ARID5B: variants seen among roughly 807,000 people sequenced by gnomAD.
ARID5B encodes AT-rich interactive domain-containing protein 5B.
A neutral mutation model predicts 97.2 loss-of-function variants in ARID5B; 13 were observed. The observed-to-expected ratio is 0.13, with a 90% CI of 0.09 to 0.21. The LOEUF is 0.21. ARID5B is among the 10% of genes least tolerant of loss of function. The pLI is 1.00. For missense variants in ARID5B, 1,210 were observed against 1,465.3 expected, an observed-to-expected ratio of 0.83 and a Z score of 2.84; for synonymous variants, 556 against 570.3, an observed-to-expected ratio of 0.97 and a Z score of 0.36.
At chr10:62,057,041 C>A (rs1839865328) in intron 5 of ARID5B, 76 bp from the exon 6 acceptor site, 1 of 1,414,622 alleles carries the variant, frequency 7.1e-7, no homozygotes, top group South Asian at 1.2e-5. Flanking sequence ...GTGTTGCTGG[C>A]TCTGTCACTA....
At chr10:62,074,873 T>TA (rs2132961342) in intron 8 of ARID5B, among the ~76,000 whole-genome samples, 1 of 152,392 alleles carries the variant, frequency 6.6e-6, no homozygotes, top group Non-Finnish European at 1.5e-5. Context: ...TAAGCATTGA[T>TA]ACACTTACGC....
intron 3 of ARID5B, among the ~76,000 whole-genome samples, chr10:61,948,224 A>T (rs139989083): frequency 1.3e-5 from 2 of 152,088 alleles, no homozygotes; most frequent in African/African-American, 4.8e-5. Context: ...GAAACTCTTT[A>T]TAGAATTGTC....
chr10:61,910,833 G>A (rs1015039727), intron 2 of ARID5B, among the ~76,000 whole-genome samples: 8 of 152,172 alleles, frequency 5.3e-5, no homozygotes, highest in Non-Finnish European at 1.2e-4. Flanking sequence ...TAGGATGGGT[G>A]GTTTAATTAC....
chr10:61,930,582 T>C (rs1352333956), intron 2 of ARID5B, among the ~76,000 whole-genome samples: 1 of 151,666 alleles, frequency 6.6e-6, no homozygotes, highest in Non-Finnish European at 1.5e-5. Flanking sequence ...TAGCCGGGTG[T>C]GATGGCGGGC....
chr10:62,079,017 T>C (rs1487210368), intron 8 of ARID5B, among the ~76,000 whole-genome samples: 3 of 152,258 alleles, frequency 2.0e-5, no homozygotes, highest in Non-Finnish European at 2.9e-5. Flanking sequence ...TCTTCTGATG[T>C]AGGAGGTTGA....
chr10:61,970,972 AGTGT>A (rs55961997), intron 3 of ARID5B, among the ~76,000 whole-genome samples: 3 of 150,190 alleles, frequency 2.0e-5, no homozygotes, highest in African/African-American at 7.3e-5. Flanking sequence ...TTGCTTTTAA[AGTGT>A]GTGTGTGTGT....
At chr10:62,071,228 G>T (rs1840060381) in intron 8 of ARID5B, among the ~76,000 whole-genome samples, 1 of 151,890 alleles carries the variant, frequency 6.6e-6, no homozygotes, top group African/African-American at 2.4e-5. Context: ...TAGAGACGGG[G>T]TTTCACCATG....
intron 3 of ARID5B, among the ~76,000 whole-genome samples, chr10:61,942,494 T>G (rs1844427545): frequency 1.3e-5 from 2 of 152,208 alleles, no homozygotes; most frequent in Non-Finnish European, 2.9e-5. Context: ...GAATGTGTAT[T>G]GATAAAAAGG....
intron 3 of ARID5B, among the ~76,000 whole-genome samples, chr10:61,968,231 G>C (rs1838575048): frequency 6.8e-6 from 1 of 147,962 alleles, no homozygotes; most frequent in African/African-American, 2.5e-5. Flanking sequence ...GTTTCACCAG[G>C]CAGTACTTAC....
intron 6 of ARID5B, among the ~76,000 whole-genome samples, chr10:62,058,326 G>A (rs1310837139): frequency 6.6e-6 from 1 of 152,146 alleles, no homozygotes; most frequent in Non-Finnish European, 1.5e-5. Context: ...CTGAAGTAGT[G>A]CAAGGTTCAA....
intron 2 of ARID5B, among the ~76,000 whole-genome samples, chr10:61,929,249 T>C (rs1305806301): frequency 6.6e-6 from 1 of 152,254 alleles, no homozygotes; most frequent in Admixed American, 6.5e-5. Context: ...ACATTTATCA[T>C]GTTTCAAATG....
At chr10:62,002,148 C>T (rs186981068) in intron 4 of ARID5B, among the ~76,000 whole-genome samples, 293 of 152,310 alleles carry the variant, frequency 1.9e-3, no homozygotes, top group Admixed American at 4.9e-3. Context: ...AATGTTTTAA[C>T]CTTTCTGGTT....
Position 62,091,960 on chromosome 10 carries a change from T to G in ARID5B, c.2497T>G (p.Ser833Ala). 2 of 1,613,538 alleles carry G rather than the reference T, an allele frequency of 1.2e-6. No individual in the cohort carries two copies. Among genetic ancestry groups the G allele is most frequent in the Non-Finnish European group, 1.7e-6 (2 of 1,179,804 alleles). ...GCCTAGCTTCCTGGCTGACTTCTAC[T>G]CGTCCCCTCATCTCCATAGCCTCTA... ...HMPSFLADFY[S>A]SPHLHSLYRH... The change falls in exon 10 of 10, where the codon TCG becomes GCG. Residue 833 changes from serine to alanine, a missense_variant. This residue lies in a region of ARID5B where 800 missense variants were observed against 839.1 expected (regional missense o/e 0.95). Coordinates refer to ENST00000279873, the MANE Select transcript of ARID5B (RefSeq NM_032199.3).
intron 4 of ARID5B, among the ~76,000 whole-genome samples, chr10:62,013,979 C>T (rs1017436889): frequency 1.3e-5 from 2 of 151,970 alleles, no homozygotes; most frequent in African/African-American, 4.8e-5. Context: ...CCTTGATACA[C>T]TTTATTTTAA....
At chr10:62,064,985 G>A (rs1162591722) in intron 7 of ARID5B, among the ~76,000 whole-genome samples, 2 of 152,196 alleles carry the variant, frequency 1.3e-5, no homozygotes, top group East Asian at 1.9e-4. Context: ...TGTTGGCCAG[G>A]CTGGTCTCGA....
rs2132987395 is a variant in ARID5B, at chr10:62,092,473, C to G, written c.3010C>G (p.Gln1004Glu). Residue 1004 changes from glutamine (Q) to glutamate (E), a missense_variant, in exon 10 of 10, where the codon CAG becomes GAG. Physicochemically the swap from Gln to Glu is conservative, Grantham distance 29. This residue lies in a region of ARID5B where 800 missense variants were observed against 839.1 expected (regional missense o/e 0.95). Transcript: ENST00000279873. ...AATCCTGCACCGGAAAATGAGCCCG[C>G]AGAACATTGGGGCGGCGCGGCCGAT... is the stretch of plus-strand genomic sequence containing the variant. ...HPILHRKMSP[Q>E]NIGAARPIKR... The G allele has an allele frequency of 1.2e-6, 2 of 1,614,196 alleles. No homozygotes were observed. Among genetic ancestry groups the G allele is most frequent in the East Asian group, 4.5e-5 (2 of 44,882 alleles).
Position 62,091,995 on chromosome 10 carries a change from C to A in ARID5B, c.2532C>A (p.Thr844=), listed in dbSNP as rs773289860. 1 of 1,614,016 alleles carries A rather than the reference C, an allele frequency of 6.2e-7. No individual in the cohort carries two copies. Among genetic ancestry groups the A allele is most frequent in the Non-Finnish European group, 8.5e-7 (1 of 1,179,986 alleles). Residue 844 remains threonine, a synonymous_variant, in exon 10 of 10, where the codon ACC becomes ACA. Coordinates refer to ENST00000279873, the MANE Select transcript of ARID5B (RefSeq NM_032199.3). ...SPHLHSLYRH[T]EHHLHNEQTS... ...ATCTCCATAGCCTCTACAGACACAC[C>A]GAGCACCATCTTCATAATGAACAGA... is the stretch of plus-strand genomic sequence containing the variant.
At chr10:61,981,574 G>A (rs1158044648) in intron 3 of ARID5B, among the ~76,000 whole-genome samples, 1 of 152,138 alleles carries the variant, frequency 6.6e-6, no homozygotes, top group East Asian at 1.9e-4. Flanking sequence ...GAGTCACCAT[G>A]CCTGGCCTGA....
At chr10:62,024,578 A>C in intron 4 of ARID5B, 1 of 377,954 alleles carries the variant, frequency 2.6e-6, no homozygotes. Flanking sequence ...TGACTACCAT[A>C]TCTTAAGCAG....
Sources: gnomAD v4.1 joint callset for allele counts (sites outside exome capture counted in the v4.1 genomes callset) on GRCh38, gnomAD v4.1.1 for gene constraint, gnomAD v4.1.1 regional missense constraint, MANE v1.5 for transcripts, NCBI Gene and HGNC (gene_info 2026-07-23, HGNC 2026-07-21) for gene names.